Variants in CR2 observed in about 807,000 individuals in gnomAD.
The protein encoded by CR2 is complement C3d receptor 2.
In CR2, 96 loss-of-function variants were observed where a neutral mutation model predicts 123.0. The observed-to-expected ratio is 0.78, with a 90% CI of 0.66 to 0.93. The LOEUF (loss-of-function observed/expected upper bound fraction) is 0.93, where lower values mean the gene tolerates loss of function less well. Among genes scored for constraint, CR2 ranks in the 40% least tolerant of loss-of-function variants. The pLI is 0.00. For missense variants in CR2, 1,258 were observed against 1,361.0 expected, an observed-to-expected ratio of 0.92 and a Z score of 1.19; for synonymous variants, 484 against 469.5, an observed-to-expected ratio of 1.03 and a Z score of -0.40.
chr1:207,470,178 G>T (rs1469767380), intron 6 of CR2, 76 bp downstream of exon 6: 4 of 1,551,450 alleles, frequency 2.6e-6, no homozygotes, highest in Non-Finnish European at 3.5e-6. Flanking sequence ...GTGGGCTTTA[G>T]GTAGGGCCTT....
intron 2 of CR2, among the ~76,000 whole-genome samples, 154 bp downstream of exon 2, chr1:207,467,066 C>A (rs568585860): frequency 6.6e-6 from 1 of 152,086 alleles, no homozygotes; most frequent in African/African-American, 2.4e-5. Flanking sequence ...ATGGCTTCTT[C>A]GTGGAGGCAT....
intron 9 of CR2, 138 bp downstream of exon 9, chr1:207,471,637 A>T (rs1658284903): frequency 1.4e-6 from 1 of 721,968 alleles, no homozygotes; most frequent in Non-Finnish European, 2.5e-6. Flanking sequence ...TTATGGTTGC[A>T]CAGTTTTACC....
chr1:207,477,931 G>C lies in CR2; in HGVS notation c.2949G>C (p.Gly983=). The C allele has an allele frequency of 1.9e-6, 3 of 1,614,068 alleles. No homozygotes were observed. The highest frequency in any genetic ancestry group is 1.7e-6 in the Non-Finnish European group (2 of 1,179,968). ...SPADMDGIQK[G]LEPRKMYQYG... ...CAGATATGGATGGAATCCAGAAAGG[G>C]CTGGAACCAAGGAAAATGTATCAGT... The change falls in exon 16 of 20, where the codon GGG becomes GGC. Residue 983 remains glycine (G), a synonymous_variant. Coordinates refer to ENST00000367057, the MANE Select transcript of CR2 (RefSeq NM_001006658.3).
rs537266880 is a variant in CR2 at position 207,477,955 on chromosome 1, G to C, written c.2973G>C (p.Gln991His). 1.2e-6 allele frequency: 2 copies of C among 1,614,002 alleles called. No individual in the cohort carries two copies. Among genetic ancestry groups the C allele is most frequent in the African/African-American group, 1.3e-5 (1 of 74,936 alleles). Residue 991 changes from glutamine (Q) to histidine (H), a missense_variant, in exon 16 of 20, where the codon CAG becomes CAC. By Grantham distance (24) the Gln-to-His change is conservative (BLOSUM62 0). Transcript: ENST00000367057. The part of the protein sequence containing the change: ...QKGLEPRKMY[Q>H]YGAVVTLECE... ...GGCTGGAACCAAGGAAAATGTATCAGTATGGAGCTGTTGTAACTCTGGAGT... is the reference window on the plus strand; with the variant it reads ...GGCTGGAACCAAGGAAAATGTATCACTATGGAGCTGTTGTAACTCTGGAGT...
Position 207,470,240 on chromosome 1 carries a change from G to A in CR2, c.1225+138G>A. The stretch of plus-strand genomic sequence containing the variant: ...ACTACATCTAATCAATATAAATTTT[G>A]TAGAGGGCATTCTTATCACTAGCCC... On this transcript the variant is annotated intron_variant, in intron 6 of 19. Coordinates refer to ENST00000367057, the MANE Select transcript of CR2 (RefSeq NM_001006658.3). 12 of 946,420 alleles carry A rather than the reference G, an allele frequency of 1.3e-5. No homozygotes were observed. The South Asian group carries it at 2.0e-4, about 16-fold the overall frequency. 58.6% of individuals were successfully genotyped at this position (946,420 alleles called of 1,614,324 possible).
In CR2 at chr1:207,468,531, C is replaced by T. The variant is rs1658168675; in HGVS notation, c.450C>T (p.Phe150=). Residue 150 remains phenylalanine (F), a synonymous_variant, in exon 3 of 20, where the codon TTC becomes TTT. Coordinates refer to ENST00000367057, the MANE Select transcript of CR2 (RefSeq NM_001006658.3). ...PTRLPTCVSV[F]PLECPALPMI... ...TCCTGGTATGTGTGTGTAAAGTTTT[C>T]CCTCTCGAGTGTCCAGCACTTCCTA... 4.3e-6 allele frequency: 7 copies of T among 1,613,652 alleles called. No homozygotes were observed. Among genetic ancestry groups the T allele is most frequent in the Admixed American group, 3.3e-5 (2 of 59,948 alleles).
chr1:207,457,010 G>C (rs1333965600), intron 1 of CR2, among the ~76,000 whole-genome samples: 1 of 152,102 alleles, frequency 6.6e-6, no homozygotes. Context: ...TCTGACTCTT[G>C]TCTGAAGTAT....
rs368025734 is a variant in CR2 at position 207,470,767 on chromosome 1, A to G, written c.1253A>G (p.Asn418Ser). ...TGCCAGGCCCCTCCTAACATCCTCA[A>G]TGGGCAAAAGGAAGATAGACACATG... is the stretch of plus-strand genomic sequence containing the variant. ...KECQAPPNIL[N>S]GQKEDRHMVR... The change falls in exon 7 of 20, where the codon AAT becomes AGT. Residue 418 changes from asparagine to serine, a missense_variant. Asn to Ser is a conservative substitution (Grantham distance 46). Coordinates refer to ENST00000367057, the MANE Select transcript of CR2 (RefSeq NM_001006658.3). The G allele has an allele frequency of 9.3e-6, 15 of 1,613,722 alleles. No individual in the cohort carries two copies. Among genetic ancestry groups the G allele is most frequent in the Admixed American group, 5.0e-5 (3 of 59,958 alleles).
At chr1:207,456,426 A>C (rs879644679) in intron 1 of CR2, among the ~76,000 whole-genome samples, 9 of 152,234 alleles carry the variant, frequency 5.9e-5, no homozygotes, top group Admixed American at 5.9e-4. Context: ...ATAGGTTTGG[A>C]GTTAGCACAG....
chr1:207,457,916 C>A (rs965733192), intron 1 of CR2, among the ~76,000 whole-genome samples: 11 of 152,056 alleles, frequency 7.2e-5, no homozygotes, highest in African/African-American at 2.7e-4. Context: ...ATGTTGATGA[C>A]TCATATTTAT....
chr1:207,458,123 C>T (rs959857207), intron 1 of CR2, among the ~76,000 whole-genome samples: 4 of 144,986 alleles, frequency 2.8e-5, no homozygotes, highest in Admixed American at 7.1e-5. Context: ...TTTCCATCCT[C>T]AGAACAGGGT....
chr1:207,462,762 G>A (rs146292461), intron 1 of CR2, among the ~76,000 whole-genome samples: 121 of 152,276 alleles, frequency 7.9e-4, no homozygotes, highest in Middle Eastern at 3.4e-3. Flanking sequence ...TAGAGGATGA[G>A]TTAGAGGATG....
chr1:207,481,243 T>C (rs997116494), intron 18 of CR2, among the ~76,000 whole-genome samples: 1 of 152,100 alleles, frequency 6.6e-6, no homozygotes, highest in African/African-American at 2.4e-5. Context: ...TTTTTCCCTA[T>C]ATATTCAATT....
chr1:207,481,206 G>C (rs1026524631), intron 18 of CR2, among the ~76,000 whole-genome samples: 1 of 151,752 alleles, frequency 6.6e-6, no homozygotes, highest in Non-Finnish European at 1.5e-5. Context: ...TTATGGTATG[G>C]TAGTTGAAGT....
intron 18 of CR2, among the ~76,000 whole-genome samples, chr1:207,484,283 A>C (rs1221166851): frequency 6.6e-6 from 1 of 152,222 alleles, no homozygotes; most frequent in Non-Finnish European, 1.5e-5. Context: ...GCCTCAACTG[A>C]TATGAAGCAA....
chr1:207,464,734 A>G (rs1187561393), intron 1 of CR2, among the ~76,000 whole-genome samples: 2 of 152,200 alleles, frequency 1.3e-5, no homozygotes, highest in Non-Finnish European at 2.9e-5. Context: ...TATGGTGTCA[A>G]CTAAACAGCA....
At chr1:207,486,112 T>C (rs1658741184) in intron 19 of CR2, among the ~76,000 whole-genome samples, 1 of 151,254 alleles carries the variant, frequency 6.6e-6, no homozygotes. Context: ...GCACCTGTGG[T>C]CCCAGCTACT....
At chr1:207,486,408 G>A (rs1658751416) in intron 19 of CR2, among the ~76,000 whole-genome samples, 1 of 152,108 alleles carries the variant, frequency 6.6e-6, no homozygotes, top group African/African-American at 2.4e-5. Flanking sequence ...GATGGGGGTG[G>A]GATGTGGGCG....
intron 1 of CR2, among the ~76,000 whole-genome samples, chr1:207,463,396 C>T (rs1658012505): frequency 6.6e-6 from 1 of 152,158 alleles, no homozygotes; most frequent in Non-Finnish European, 1.5e-5. Flanking sequence ...AGAGACACTG[C>T]TTCAAGATTA....
Sources: allele counts gnomAD v4.1 joint callset (sites outside exome capture counted in the v4.1 genomes callset), GRCh38; gene constraint gnomAD v4.1.1; transcripts MANE v1.5; gene names NCBI Gene and HGNC (gene_info 2026-07-23, HGNC 2026-07-21).